Variants in PCSK5 observed in about 807,000 individuals in gnomAD.
The protein encoded by PCSK5 is proprotein convertase subtilisin/kexin type 5.
In PCSK5, 129 loss-of-function variants were observed where a neutral mutation model predicts 233.2. The observed-to-expected ratio is 0.55, with a 90% CI of 0.48 to 0.64. The LOEUF is 0.64. Ranked by LOEUF, PCSK5 falls within the 30% of genes least tolerant of loss-of-function variation. PCSK5 has a pLI of 0.00. For missense variants in PCSK5, 2,076 were observed against 2,430.1 expected (o/e 0.85, Z 3.06); for synonymous variants, 825 against 879.2 (o/e 0.94, Z 1.09).
rs140049676 is a variant in PCSK5, at chr9:76,332,474, G to A, written c.4612G>A (p.Asp1538Asn). 145 of 1,612,612 alleles carry A rather than the reference G, an allele frequency of 9.0e-5. No individual in the cohort carries two copies. In the African/African-American group the frequency reaches 9.6e-4, roughly 11 times the overall value. The change falls in exon 34 of 38, where the codon GAT becomes AAT. Residue 1538 changes from aspartate (D) to asparagine (N), a missense_variant. By Grantham distance (23) the Asp-to-Asn change is conservative. Transcript: ENST00000674117. The part of the protein sequence containing the change: ...VKDCPEGYYA[D>N]EDSNRCAHCH... ...GGACTGCCCAGAGGGCTATTATGCCGATGAGGACAGCAACCGGTGTGCCCA... is the reference window on the plus strand; with the variant it reads ...GGACTGCCCAGAGGGCTATTATGCCAATGAGGACAGCAACCGGTGTGCCCA...
chr9:75,991,162 G>A (rs2792217), intron 3 of PCSK5, among the ~76,000 whole-genome samples: 99,361 of 152,000 alleles, frequency 0.65, 33,832 homozygotes, highest in East Asian at 0.82. Context: ...ATTTACCAGG[G>A]ACTGACCCTG....
At chr9:76,087,156 TA>T (rs1294607634) in intron 7 of PCSK5, among the ~76,000 whole-genome samples, 1 of 152,198 alleles carries the variant, frequency 6.6e-6, no homozygotes, top group Non-Finnish European at 1.5e-5. Flanking sequence ...ACTGTTTTGA[TA>T]AAGTTAAGAA....
chr9:76,195,819 C>CTGA (rs1431203434), intron 20 of PCSK5: 1 of 152,104 alleles, frequency 6.6e-6, no homozygotes, highest in Non-Finnish European at 1.5e-5. Context: ...ACGGTTGTAA[C>CTGA]TGATACTGGC....
At chr9:76,222,506 C>G (rs908576719) in intron 20 of PCSK5, among the ~76,000 whole-genome samples, 1 of 152,176 alleles carries the variant, frequency 6.6e-6, no homozygotes, top group African/African-American at 2.4e-5. Context: ...AACCCTTTCC[C>G]CCTACCCTTA....
At chr9:75,906,956 C>T (rs772848938) in intron 1 of PCSK5, among the ~76,000 whole-genome samples, 4 of 152,158 alleles carry the variant, frequency 2.6e-5, no homozygotes, top group African/African-American at 4.8e-5. Flanking sequence ...ATCCATTGCT[C>T]TTCTGGAAAT....
At chr9:75,985,711 G>T (rs1428596374) in intron 2 of PCSK5, among the ~76,000 whole-genome samples, 1 of 152,148 alleles carries the variant, frequency 6.6e-6, no homozygotes, top group African/African-American at 2.4e-5. Context: ...ATGAGTGATT[G>T]CATCAGAGAC....
chr9:76,321,524 C>T lies in PCSK5; in HGVS notation c.3987C>T (p.Val1329=), dbSNP rs765944049. The T allele has an allele frequency of 7.4e-5, 119 of 1,612,272 alleles. No homozygotes were observed. Among genetic ancestry groups the T allele is most frequent in the Middle Eastern group, 3.3e-4 (2 of 6,082 alleles). The change falls in exon 31 of 38, where the codon GTC becomes GTT. Residue 1329 remains valine (V), a synonymous_variant. Transcript: ENST00000674117. ...TNCHSCEGGH[V]LHHGVCQENC... Reference sequence around the variant, plus strand: ...GCCATTCTTGTGAAGGAGGCCACGTCCTGCACCACGGAGTGTGCCAGGAAA... The same window carrying T: ...GCCATTCTTGTGAAGGAGGCCACGTTCTGCACCACGGAGTGTGCCAGGAAA...
chr9:76,345,110 T>TC (rs1270872964), intron 35 of PCSK5, among the ~76,000 whole-genome samples: 1 of 152,198 alleles, frequency 6.6e-6, no homozygotes, highest in Admixed American at 6.5e-5. Flanking sequence ...AAGTAGTTTT[T>TC]CAACCCTTGC....
intron 10 of PCSK5, among the ~76,000 whole-genome samples, chr9:76,149,956 C>T (rs1454382113): frequency 6.6e-6 from 1 of 152,016 alleles, no homozygotes; most frequent in Non-Finnish European, 1.5e-5. Context: ...ATATCTCCTT[C>T]TTGTTTTAAC....
intron 3 of PCSK5, among the ~76,000 whole-genome samples, chr9:75,993,534 A>G (rs191229468): frequency 6.6e-6 from 1 of 151,692 alleles, no homozygotes; most frequent in Non-Finnish European, 1.5e-5. Flanking sequence ...ACCCCATGAG[A>G]TGTATACTGT....
intron 24 of PCSK5, among the ~76,000 whole-genome samples, chr9:76,280,289 T>A (rs1430981074): frequency 1.3e-5 from 2 of 152,124 alleles, no homozygotes; most frequent in East Asian, 3.9e-4. Context: ...TATCTCTTCC[T>A]CTCATCAGAC....
intron 20 of PCSK5, among the ~76,000 whole-genome samples, chr9:76,202,378 T>C (rs1824947721): frequency 6.6e-6 from 1 of 152,208 alleles, no homozygotes; most frequent in Non-Finnish European, 1.5e-5. Flanking sequence ...TCATCTCCTA[T>C]TCCATTTTCC....
At chr9:76,125,122 T>A (rs1029638872) in intron 9 of PCSK5, among the ~76,000 whole-genome samples, 4 of 149,334 alleles carry the variant, frequency 2.7e-5, no homozygotes, top group South Asian at 2.1e-4. Flanking sequence ...ATTCTCAATT[T>A]AAAAAAAAAA....
intron 8 of PCSK5, among the ~76,000 whole-genome samples, chr9:76,101,120 T>A (rs948479251): frequency 1.3e-5 from 2 of 152,234 alleles, no homozygotes; most frequent in Non-Finnish European, 2.9e-5. Flanking sequence ...CATATTTTCT[T>A]ATTTACTGTC....
intron 13 of PCSK5, among the ~76,000 whole-genome samples, 200 bp from the exon 14 acceptor site, chr9:76,174,786 A>G (rs562731749): frequency 6.6e-6 from 1 of 152,306 alleles, no homozygotes; most frequent in African/African-American, 2.4e-5. Context: ...TGCTCAGTCA[A>G]TATGTGGTAT....
chr9:76,332,414 A>AT lies in PCSK5; in HGVS notation c.4571-13dup, dbSNP rs1389858174. On this transcript the variant is annotated intron_variant, in intron 33 of 37. Coordinates refer to ENST00000674117, the MANE Select transcript of PCSK5 (RefSeq NM_001372043.1). Reference sequence around the variant, plus strand: ...TGTCATGCTCGATGTCCAAATAGACATTTTTTCTCCCATGACAGACACAAC... The same window carrying AT: ...TGTCATGCTCGATGTCCAAATAGACATTTTTTTCTCCCATGACAGACACAAC... 3.1e-6 allele frequency: 5 copies of AT among 1,601,360 alleles called. No individual in the cohort carries two copies. Among genetic ancestry groups the AT allele is most frequent in the South Asian group, 1.1e-5 (1 of 90,264 alleles).
At chr9:76,111,430 C>T (rs1832209506) in intron 9 of PCSK5, among the ~76,000 whole-genome samples, 2 of 152,116 alleles carry the variant, frequency 1.3e-5, no homozygotes, top group Non-Finnish European at 2.9e-5. Flanking sequence ...AGATTTCCTC[C>T]TTGTTCTCAA....
chr9:76,320,840 G>C (rs1829178145), intron 30 of PCSK5, among the ~76,000 whole-genome samples: 1 of 148,074 alleles, frequency 6.8e-6, no homozygotes, highest in Non-Finnish European at 1.5e-5. Context: ...TTTTAAGACA[G>C]AGTCTCACTC....
chr9:76,056,950 G>C (rs1829841928), intron 5 of PCSK5, among the ~76,000 whole-genome samples: 1 of 151,914 alleles, frequency 6.6e-6, no homozygotes, highest in African/African-American at 2.4e-5. Context: ...TAATATTGTG[G>C]GCATATGCAA....
Sources: gnomAD v4.1 joint callset for allele counts (sites outside exome capture counted in the v4.1 genomes callset) on GRCh38, gnomAD v4.1.1 for gene constraint, MANE v1.5 for transcripts, NCBI Gene and HGNC (gene_info 2026-07-23, HGNC 2026-07-21) for gene names.